Variants in RAB30 observed in about 807,000 individuals in gnomAD.
The protein encoded by RAB30 is RAB30, member RAS oncogene family.
RAB30 carries 9 observed loss-of-function variants against 25.1 expected under a neutral mutation model. That is an observed-to-expected ratio of 0.36 (90% CI 0.22 to 0.63). RAB30 has a LOEUF of 0.63. Ranked by LOEUF, RAB30 falls within the 20% of genes least tolerant of loss-of-function variation. The pLI is 0.69. For missense variants in RAB30, 140 were observed against 243.5 expected (o/e 0.58, Z 2.83); for synonymous variants, 77 against 86.4 (o/e 0.89, Z 0.60).
intron 1 of RAB30, among the ~76,000 whole-genome samples, chr11:83,064,445 A>C (rs1858649311): frequency 6.6e-6 from 1 of 152,158 alleles, no homozygotes; most frequent in South Asian, 2.1e-4. Flanking sequence ...AACAAATTTG[A>C]GATATATATT....
intron 3 of RAB30, among the ~76,000 whole-genome samples, chr11:82,991,559 G>A (rs1856852032): frequency 6.8e-6 from 1 of 147,490 alleles, no homozygotes. Context: ...ATGCAGTTCT[G>A]CCCTCTTCTA....
At position 82,982,153 on chromosome 11, in the gene RAB30, G is replaced by A. The variant is rs775828142; in HGVS notation, c.*12C>T. 19 of 1,613,710 alleles carry A rather than the reference G, an allele frequency of 1.2e-5. No individual in the cohort carries two copies. The highest frequency in any genetic ancestry group is 1.7e-4 in the Middle Eastern group (1 of 6,058). On this transcript the variant is annotated 3_prime_UTR_variant, in exon 5 of 5. Coordinates refer to ENST00000527633, the MANE Select transcript of RAB30 (RefSeq NM_001286060.2). ...CAGTTGCTGATTCCTTTTCTTCTCC[G>A]TGCCTCAGCCTTTAGTTGAAATTAC...
chr11:83,019,961 C>G (rs530583645), intron 1 of RAB30, among the ~76,000 whole-genome samples: 1 of 152,244 alleles, frequency 6.6e-6, no homozygotes. Flanking sequence ...CTGTCTGGAG[C>G]AGCCACTGCC....
intron 1 of RAB30, among the ~76,000 whole-genome samples, chr11:83,003,316 A>G (rs1857125683): frequency 6.6e-6 from 1 of 152,130 alleles, no homozygotes; most frequent in East Asian, 1.9e-4. Flanking sequence ...CAGAAAATAC[A>G]GACAAGCAAA....
At chr11:82,982,517 G>A in intron 4 of RAB30, 102 bp from the exon 5 acceptor site, 1 of 1,255,342 alleles carries the variant, frequency 8.0e-7, no homozygotes. Flanking sequence ...CCAGACAGAT[G>A]GGCGAGTAAA....
At chr11:83,027,383 T>C (rs1372773147) in intron 1 of RAB30, among the ~76,000 whole-genome samples, 2 of 152,138 alleles carry the variant, frequency 1.3e-5, no homozygotes, top group Non-Finnish European at 2.9e-5. Context: ...GTGCAAAGGT[T>C]CCCATGTTTC....
At chr11:83,002,064 C>T (rs1214810631) in intron 1 of RAB30, among the ~76,000 whole-genome samples, 1 of 152,182 alleles carries the variant, frequency 6.6e-6, no homozygotes, top group Non-Finnish European at 1.5e-5. Flanking sequence ...GTCTCAGGAA[C>T]AGGATTCAAA....
chr11:83,063,873 A>G (rs2121521397), intron 1 of RAB30, among the ~76,000 whole-genome samples: 1 of 152,362 alleles, frequency 6.6e-6, no homozygotes, highest in East Asian at 1.9e-4. Context: ...AACAACCATT[A>G]AAACAGGTAA....
chr11:83,020,641 C>T (rs1028460871), intron 1 of RAB30, among the ~76,000 whole-genome samples: 2 of 152,120 alleles, frequency 1.3e-5, no homozygotes, highest in Non-Finnish European at 2.9e-5. Flanking sequence ...ACCAGGGTGG[C>T]GATTTGTGGT....
At chr11:82,999,628 C>A (rs1347090981) in intron 1 of RAB30, among the ~76,000 whole-genome samples, 1 of 152,052 alleles carries the variant, frequency 6.6e-6, no homozygotes, top group Non-Finnish European at 1.5e-5. Flanking sequence ...TCTAGGCTCA[C>A]TGGATTTCCT....
chr11:82,981,317 A>C lies in RAB30; in HGVS notation c.*848T>G, dbSNP rs1856633657. On this transcript the variant is annotated 3_prime_UTR_variant, in exon 5 of 5. Transcript: ENST00000527633. ...TCATTTTGCAAACGTTTTCATTTAC[A>C]TAAAGGGCTGGAGAGACAAGAAAGT... is the stretch of plus-strand genomic sequence containing the variant. 6.6e-6 allele frequency: 1 copy of C among 152,184 alleles called. No individual in the cohort carries two copies. The highest frequency in any genetic ancestry group is 2.4e-5 in the African/African-American group (1 of 41,434). 9.4% of individuals were successfully genotyped at this position (152,184 alleles called of 1,614,324 possible).
intron 1 of RAB30, among the ~76,000 whole-genome samples, chr11:83,015,143 C>G (rs986483667): frequency 2.0e-5 from 3 of 152,130 alleles, no homozygotes; most frequent in Non-Finnish European, 4.4e-5. Context: ...GTGACACAAA[C>G]CAATTAACAT....
intron 1 of RAB30, among the ~76,000 whole-genome samples, chr11:83,067,632 C>A (rs968320987): frequency 1.3e-5 from 2 of 152,242 alleles, no homozygotes; most frequent in Non-Finnish European, 2.9e-5. Flanking sequence ...CAAGTCATTT[C>A]ATGACTCCCT....
intron 1 of RAB30, 116 bp from the exon 2 acceptor site, chr11:82,997,440 T>C (rs934818029): frequency 1.4e-6 from 1 of 716,792 alleles, no homozygotes; most frequent in Non-Finnish European, 2.4e-6. Flanking sequence ...AAGAGCAATT[T>C]AAAGCTCCCC....
chr11:83,047,450 T>C (rs1053775543), intron 1 of RAB30, among the ~76,000 whole-genome samples: 1 of 152,216 alleles, frequency 6.6e-6, no homozygotes, highest in Admixed American at 6.5e-5. Context: ...ATAAGGCATA[T>C]AGAATAATTT....
In RAB30 at chr11:82,987,606, C is replaced by T. The variant is rs757958249; in HGVS notation, c.342G>A (p.Lys114=). 1.2e-6 allele frequency: 2 copies of T among 1,612,522 alleles called. No individual in the cohort carries two copies. Among genetic ancestry groups the T allele is most frequent in the South Asian group, 2.2e-5 (2 of 90,896 alleles). ...ACTTACCCACTAACACAGTGATGAC[C>T]TTGTTGCTGGCATATTGTTCTATCT... The part of the protein sequence containing the change: ...LREIEQYASN[K]VITVLVGNKI... The change falls in exon 4 of 5, where the codon AAG becomes AAA. Residue 114 remains lysine, a synonymous_variant. Transcript: ENST00000527633.
rs140175716 is a variant in RAB30 at position 82,992,557 on chromosome 11, G to A, written c.177+1482C>T. Among the ~76,000 whole-genome samples, 678 of 152,216 alleles carry A rather than the reference G, an allele frequency of 4.5e-3. 5 individuals carry two copies. Among genetic ancestry groups the A allele is most frequent in the African/African-American group, 0.013 (547 of 41,518 alleles). ...CACTCAAAGGAAGGAGAGCATGTACGTATGGGAGAAGGATGCAAATAAATG... is the reference window on the plus strand; with the variant it reads ...CACTCAAAGGAAGGAGAGCATGTACATATGGGAGAAGGATGCAAATAAATG... On this transcript the variant is annotated intron_variant, in intron 3 of 4. Coordinates refer to ENST00000527633, the MANE Select transcript of RAB30 (RefSeq NM_001286060.2).
chr11:83,055,579 A>G (rs1858441709), intron 1 of RAB30, among the ~76,000 whole-genome samples: 1 of 152,190 alleles, frequency 6.6e-6, no homozygotes, highest in African/African-American at 2.4e-5. Flanking sequence ...CTCACTGATC[A>G]CTTTCTACCA....
At chr11:83,010,114 T>G (rs1177381995) in intron 1 of RAB30, among the ~76,000 whole-genome samples, 2 of 151,818 alleles carry the variant, frequency 1.3e-5, no homozygotes, top group Non-Finnish European at 2.9e-5. Context: ...TATATACCAA[T>G]AGAGAAGGGC....
Sources: allele counts gnomAD v4.1 joint callset (sites outside exome capture counted in the v4.1 genomes callset), GRCh38; gene constraint gnomAD v4.1.1; transcripts MANE v1.5; gene names NCBI Gene and HGNC (gene_info 2026-07-23, HGNC 2026-07-21).